Variants in RNFT2 observed in about 807,000 individuals in gnomAD.
The protein encoded by RNFT2 is E3 ubiquitin-protein ligase RNFT2.
In RNFT2, 36 loss-of-function variants were observed where a neutral mutation model predicts 53.0. The ratio of observed to expected loss-of-function variants is 0.68; its 90% CI spans 0.52 to 0.90. RNFT2 has a LOEUF of 0.90. RNFT2 is among the 40% of genes least tolerant of loss of function. The pLI is 0.00. For synonymous variants in RNFT2, 260 were observed against 253.2 expected (o/e 1.03, Z -0.26); for missense variants, 514 against 585.6 (o/e 0.88, Z 1.26).
intron 7 of RNFT2, among the ~76,000 whole-genome samples, chr12:116,790,047 T>A (rs1282679394): frequency 6.6e-6 from 1 of 152,106 alleles, no homozygotes; most frequent in Non-Finnish European, 1.5e-5. Context: ...CAGCAAGAGC[T>A]TGGATTTCAT....
At chr12:116,738,804 T>C (rs1472695831) in intron 1 of RNFT2, 1 of 152,202 alleles carries the variant, frequency 6.6e-6, no homozygotes, top group African/African-American at 2.4e-5. Flanking sequence ...TTTCGAGCAT[T>C]CGATTTAGGA....
At chr12:116,822,122 A>T (rs1173659681) in intron 7 of RNFT2, among the ~76,000 whole-genome samples, 2 of 151,900 alleles carry the variant, frequency 1.3e-5, no homozygotes, top group African/African-American at 2.4e-5. Flanking sequence ...GGTGTGAGCC[A>T]CCCTGCCTGG....
At position 116,836,188 on chromosome 12, in the gene RNFT2, G is replaced by T; in HGVS notation, c.1106G>T (p.Gly369Val). 6.3e-7 allele frequency: 1 copy of T among 1,595,564 alleles called. No homozygotes were observed. Among genetic ancestry groups the T allele is most frequent in the Non-Finnish European group, 8.5e-7 (1 of 1,170,990 alleles). Residue 369 changes from glycine (G) to valine (V), a missense_variant, in exon 10 of 11, where the codon GGA (glycine) becomes GTA (valine). Around this residue, in one of 3 missense-constraint regions of RNFT2, gnomAD observed 273 missense variants for 334.4 expected, o/e 0.82. Coordinates refer to ENST00000257575, the MANE Select transcript of RNFT2 (RefSeq NM_001382266.1). ...TTCTCCCCTCCCTCAAAGAACTATGGAGTCCGAGCCACCGGGCAGCAGTGC... is the reference window on the plus strand; with the variant it reads ...TTCTCCCCTCCCTCAAAGAACTATGTAGTCCGAGCCACCGGGCAGCAGTGC... ...LKLLCTSQNY[G>V]VRATGQQCTE... is the part of the protein sequence containing the mutation.
At chr12:116,774,930 C>CAAA (rs1165176513) in intron 6 of RNFT2, among the ~76,000 whole-genome samples, 1 of 149,100 alleles carries the variant, frequency 6.7e-6, no homozygotes, top group Non-Finnish European at 1.5e-5. Flanking sequence ...AACTGGTGCA[C>CAAA]AGAAAGAGAG....
chr12:116,852,125 C>A lies in RNFT2; in HGVS notation c.*2677C>A. On this transcript the variant is annotated 3_prime_UTR_variant, in exon 11 of 11. Transcript: ENST00000257575. ...GGCACAGGTGACCACGCAGAAGCCA[C>A]CAGAATCTTGCCTGCCCTATTCCTC... The A allele has an allele frequency of 5.9e-6, 6 of 1,011,760 alleles. No homozygotes were observed. Among genetic ancestry groups the A allele is most frequent in the Non-Finnish European group, 4.1e-6 (3 of 725,284 alleles). 62.7% of individuals were successfully genotyped at this position (1,011,760 alleles called of 1,614,324 possible).
chr12:116,740,506 C>T lies in RNFT2; in HGVS notation c.9C>T (p.Leu3=). The T allele has an allele frequency of 6.4e-7, 1 of 1,574,050 alleles. No individual in the cohort carries two copies. Among genetic ancestry groups the T allele is most frequent in the East Asian group, 2.3e-5 (1 of 43,210 alleles). MW[L]FTVNQVLRKM... Reference sequence around the variant, plus strand: ...ATGGAGTTCTGAAGTCCATGTGGCTCTTCACAGTGAATCAGGTGACACGTC... The same window carrying T: ...ATGGAGTTCTGAAGTCCATGTGGCTTTTCACAGTGAATCAGGTGACACGTC... Residue 3 remains leucine, a synonymous_variant, in exon 2 of 11, where the codon CTC becomes CTT. Coordinates refer to ENST00000257575, the MANE Select transcript of RNFT2 (RefSeq NM_001382266.1).
chr12:116,761,264 T>G (rs1047701542), intron 5 of RNFT2, among the ~76,000 whole-genome samples: 6 of 152,210 alleles, frequency 3.9e-5, no homozygotes, highest in African/African-American at 1.4e-4. Flanking sequence ...TTCCTCTGCC[T>G]CAGTCTCCCC....
chr12:116,826,619 C>T (rs546656611), intron 7 of RNFT2, among the ~76,000 whole-genome samples: 158 of 152,296 alleles, frequency 1.0e-3, no homozygotes, highest in African/African-American at 3.1e-3. Context: ...CTACCTTTAA[C>T]GGGGTGCCAC....
chr12:116,779,094 T>C, intron 6 of RNFT2, 101 bp from the exon 7 acceptor site: 1 of 1,260,590 alleles, frequency 7.9e-7, no homozygotes, highest in East Asian at 2.3e-5. Context: ...AGTTCAGCGC[T>C]CTTTCTACAG....
chr12:116,755,324 C>A, intron 5 of RNFT2: 1 of 686,356 alleles, frequency 1.5e-6, no homozygotes, highest in Middle Eastern at 3.8e-4. Flanking sequence ...CTATTCTGTT[C>A]CATTGGTCTA....
At chr12:116,849,279 A>G (rs1877780478) in intron 10 of RNFT2, 35 bp from the exon 11 acceptor site, 1 of 1,490,226 alleles carries the variant, frequency 6.7e-7, no homozygotes, top group Non-Finnish European at 9.0e-7. Context: ...CGCTCAGTAA[A>G]GAGTCCTGGT....
intron 7 of RNFT2, among the ~76,000 whole-genome samples, chr12:116,799,461 C>G (rs1007369534): frequency 1.3e-5 from 2 of 152,184 alleles, no homozygotes; most frequent in East Asian, 1.9e-4. Flanking sequence ...TCATTACCTT[C>G]GTAGTACTGG....
chr12:116,816,866 G>A (rs972211135), intron 7 of RNFT2, among the ~76,000 whole-genome samples: 5 of 152,174 alleles, frequency 3.3e-5, no homozygotes, highest in Non-Finnish European at 7.4e-5. Flanking sequence ...AGCTTAAAAA[G>A]TAGAGAACTG....
chr12:116,822,332 C>G (rs191267290), intron 7 of RNFT2, among the ~76,000 whole-genome samples: 100 of 152,080 alleles, frequency 6.6e-4, no homozygotes, highest in African/African-American at 2.4e-3. Flanking sequence ...GAAACAGGGT[C>G]TGTCTCTCTC....
intron 6 of RNFT2, among the ~76,000 whole-genome samples, chr12:116,772,963 G>A (rs981384558): frequency 2.0e-5 from 3 of 152,118 alleles, no homozygotes; most frequent in African/African-American, 7.2e-5. Context: ...CAAGTAGCTA[G>A]GACTACAGAC....
In RNFT2 at chr12:116,851,995, G is replaced by C; in HGVS notation, c.*2547G>C. On this transcript the variant is annotated 3_prime_UTR_variant, in exon 11 of 11. Coordinates refer to ENST00000257575, the MANE Select transcript of RNFT2 (RefSeq NM_001382266.1). ...TGTTATGGATGTTTCCACCAACCAG[G>C]GTAGTGGCATGGAGCACCGTAACCA... The C allele has an allele frequency of 6.9e-7, 1 of 1,459,758 alleles. No homozygotes were observed. The highest frequency in any genetic ancestry group is 9.0e-7 in the Non-Finnish European group (1 of 1,105,414). The allele number at this position is 1,459,758 out of a possible 1,614,324, so 90.4% of individuals were successfully genotyped here.
At chr12:116,746,481 G>A (rs192590330) in intron 3 of RNFT2, among the ~76,000 whole-genome samples, 44 of 152,316 alleles carry the variant, frequency 2.9e-4, no homozygotes, top group African/African-American at 9.4e-4. Context: ...AGAGCAAGGA[G>A]CAGGGGACTG....
At chr12:116,757,049 C>A (rs929306214) in intron 5 of RNFT2, among the ~76,000 whole-genome samples, 1 of 151,976 alleles carries the variant, frequency 6.6e-6, no homozygotes, top group African/African-American at 2.4e-5. Context: ...CTGATTTAAG[C>A]GAGAAGGGTT....
At chr12:116,759,557 T>C (rs1395427329) in intron 5 of RNFT2, among the ~76,000 whole-genome samples, 2 of 152,206 alleles carry the variant, frequency 1.3e-5, no homozygotes, top group Admixed American at 1.3e-4. Context: ...GGGTTTTCCC[T>C]CTTTTTGGTA....
Sources: gnomAD v4.1 joint callset for allele counts (sites outside exome capture counted in the v4.1 genomes callset) on GRCh38, gnomAD v4.1.1 for gene constraint, gnomAD v4.1.1 regional missense constraint, MANE v1.5 for transcripts, NCBI Gene and HGNC (gene_info 2026-07-23, HGNC 2026-07-21) for gene names.